AK5: variants seen among roughly 807,000 people sequenced by gnomAD.
The protein encoded by AK5 is adenylate kinase 5, also known as adenylate kinase isoenzyme 5.
A neutral mutation model predicts 69.5 loss-of-function variants in AK5; 27 were observed. That is an observed-to-expected ratio of 0.39 (90% CI 0.29 to 0.54). AK5 has a LOEUF of 0.54. Among genes scored for constraint, AK5 ranks in the 20% least tolerant of loss-of-function variants. The probability of loss-of-function intolerance (pLI) is 0.71; values close to 1 mark genes in which losing one functional copy is unlikely to be tolerated. For synonymous variants in AK5, 260 were observed against 244.4 expected (o/e 1.06, Z -0.60); for missense variants, 531 against 700.4 (o/e 0.76, Z 2.73).
intron 5 of AK5, among the ~76,000 whole-genome samples, chr1:77,334,875 C>T (rs1445351456): frequency 6.6e-6 from 1 of 152,176 alleles, no homozygotes; most frequent in Admixed American, 6.5e-5. Flanking sequence ...CCATATATCA[C>T]TTTTTGTCCC....
At chr1:77,361,793 C>T (rs1437352921) in intron 6 of AK5, among the ~76,000 whole-genome samples, 3 of 152,122 alleles carry the variant, frequency 2.0e-5, no homozygotes, top group African/African-American at 7.2e-5. Context: ...TCTCATGAGA[C>T]TCATTCGCTA....
At chr1:77,486,178 A>C in intron 9 of AK5, 130 bp from the exon 10 acceptor site, 1 of 617,888 alleles carries the variant, frequency 1.6e-6, no homozygotes, top group African/African-American at 1.9e-5. Context: ...TAGCCTATTC[A>C]CACATTTATT....
intron 5 of AK5, 117 bp from the exon 6 acceptor site, chr1:77,340,260 A>G: frequency 9.7e-7 from 1 of 1,030,138 alleles, no homozygotes; most frequent in South Asian, 1.7e-5. Flanking sequence ...ACTGTCAAAA[A>G]CATAGAGGGC....
chr1:77,517,453 G>A (rs1180276519), intron 10 of AK5, among the ~76,000 whole-genome samples: 1 of 152,186 alleles, frequency 6.6e-6, no homozygotes, highest in African/African-American at 2.4e-5. Flanking sequence ...GTGCAGCCTA[G>A]GCAATGGATT....
intron 8 of AK5, among the ~76,000 whole-genome samples, chr1:77,428,873 G>A (rs1332617001): frequency 5.9e-5 from 9 of 152,116 alleles, no homozygotes; most frequent in East Asian, 1.9e-4. Flanking sequence ...TTGTCCTTGC[G>A]ATAGTTTGCT....
At chr1:77,476,659 G>A (rs1054391324) in intron 8 of AK5, among the ~76,000 whole-genome samples, 1 of 152,138 alleles carries the variant, frequency 6.6e-6, no homozygotes, top group Admixed American at 6.6e-5. Context: ...CCGGAGGAAG[G>A]CAGAACATGG....
At chr1:77,501,808 C>T (rs1656737241) in intron 10 of AK5, among the ~76,000 whole-genome samples, 1 of 152,138 alleles carries the variant, frequency 6.6e-6, no homozygotes, top group Non-Finnish European at 1.5e-5. Flanking sequence ...TAGTCTTCTC[C>T]AAAGAAGAAA....
chr1:77,350,698 CA>C (rs1272907439), intron 6 of AK5, among the ~76,000 whole-genome samples: 2 of 152,100 alleles, frequency 1.3e-5, no homozygotes, highest in Non-Finnish European at 2.9e-5. Flanking sequence ...AAATAGCACT[CA>C]AAAATCACCT....
At chr1:77,435,795 A>G (rs1228266110) in intron 8 of AK5, among the ~76,000 whole-genome samples, 3 of 152,348 alleles carry the variant, frequency 2.0e-5, no homozygotes, top group Admixed American at 1.3e-4. Flanking sequence ...TCTTAGTTTT[A>G]TATCTTAGTT....
intron 3 of AK5, among the ~76,000 whole-genome samples, chr1:77,294,659 A>G (rs1658884725): frequency 6.6e-6 from 1 of 152,212 alleles, no homozygotes; most frequent in Non-Finnish European, 1.5e-5. Flanking sequence ...AACCAAAATA[A>G]CAATGATAAT....
intron 6 of AK5, among the ~76,000 whole-genome samples, chr1:77,385,454 C>G (rs938104519): frequency 1.4e-4 from 21 of 152,162 alleles, no homozygotes; most frequent in African/African-American, 5.1e-4. Flanking sequence ...CCACTGCGCC[C>G]GGCCAGACTT....
chr1:77,360,333 G>T (rs1646841018), intron 6 of AK5, among the ~76,000 whole-genome samples: 1 of 152,156 alleles, frequency 6.6e-6, no homozygotes, highest in South Asian at 2.1e-4. Flanking sequence ...GGAGAGAAAT[G>T]TCAACTGTCC....
At chr1:77,500,695 A>G (rs1557638861) in intron 10 of AK5, among the ~76,000 whole-genome samples, 1 of 151,168 alleles carries the variant, frequency 6.6e-6, no homozygotes, top group Non-Finnish European at 1.5e-5. Flanking sequence ...GGCAGGAGAA[A>G]CTCTTGAACC....
At chr1:77,475,915 T>A (rs947769227) in intron 8 of AK5, among the ~76,000 whole-genome samples, 1 of 152,156 alleles carries the variant, frequency 6.6e-6, no homozygotes, top group Non-Finnish European at 1.5e-5. Context: ...GAGAGTTGAG[T>A]TGAACACGTA....
chr1:77,482,719 C>T (rs952232460), intron 8 of AK5, among the ~76,000 whole-genome samples: 22 of 150,454 alleles, frequency 1.5e-4, no homozygotes, highest in African/African-American at 4.4e-4. Context: ...TGCAGTGAGC[C>T]GAGACTGCAC....
intron 6 of AK5, among the ~76,000 whole-genome samples, chr1:77,380,227 G>C (rs1320442995): frequency 1.3e-5 from 2 of 152,136 alleles, no homozygotes; most frequent in Non-Finnish European, 2.9e-5. Flanking sequence ...GGGGTGACAG[G>C]CAAAACCCAA....
chr1:77,472,426 CCT>C (rs1465137822), intron 8 of AK5, among the ~76,000 whole-genome samples: 1 of 152,130 alleles, frequency 6.6e-6, no homozygotes, highest in African/African-American at 2.4e-5. Context: ...ATAGAGAAAA[CCT>C]CTTTCTCCCA....
At chr1:77,533,512 A>C (rs1266389331) in intron 12 of AK5, among the ~76,000 whole-genome samples, 1 of 24,636 alleles carries the variant, frequency 4.1e-5, no homozygotes, top group African/African-American at 6.6e-5. Flanking sequence ...CTGTCACCAA[A>C]AAAAAAAAAA....
chr1:77,536,537 G>T (rs1021954031), intron 13 of AK5, among the ~76,000 whole-genome samples: 1 of 152,058 alleles, frequency 6.6e-6, no homozygotes, highest in Non-Finnish European at 1.5e-5. Flanking sequence ...AATATCTGTC[G>T]TCATATAGAC....
Sources: gnomAD v4.1 joint callset for allele counts (sites outside exome capture counted in the v4.1 genomes callset) on GRCh38, gnomAD v4.1.1 for gene constraint, MANE v1.5 for transcripts, NCBI Gene and HGNC (gene_info 2026-07-23, HGNC 2026-07-21) for gene names.